Variants in TUBB8B observed in about 807,000 individuals in gnomAD.
The protein encoded by TUBB8B is tubulin beta 8B.
TUBB8B carries 26 observed loss-of-function variants against 31.9 expected under a neutral mutation model. The ratio of observed to expected loss-of-function variants is 0.81; its 90% CI spans 0.60 to 1.13. The LOEUF is 1.13. Ranked by LOEUF, TUBB8B falls within the 50% of genes most tolerant of loss-of-function variation. The pLI, the probability that TUBB8B is intolerant of heterozygous loss-of-function variation, is 0.00. For synonymous variants in TUBB8B, 173 were observed against 231.0 expected, an observed-to-expected ratio of 0.75 and a Z score of 2.28; for missense variants, 467 against 586.7, an observed-to-expected ratio of 0.80 and a Z score of 2.11.
At position 49,236 on chromosome 18, in the gene TUBB8B, A is replaced by T. The variant is rs1905936597; in HGVS notation, c.59T>A (p.Phe20Tyr). 1 of 1,534,554 alleles carries T rather than the reference A, an allele frequency of 6.5e-7. No individual in the cohort carries two copies. Residue 20 changes from phenylalanine (F) to tyrosine (Y), a missense_variant and splice_region_variant, in exon 2 of 4, where the codon TTC becomes TAC. Phe to Tyr is a conservative substitution (Grantham distance 22). Around this residue, in one of 2 missense-constraint regions of TUBB8B, gnomAD observed 259 missense variants for 380.1 expected, o/e 0.68. Transcript: ENST00000308911. ...ATGTTCATCAGAGATCACCTCCCAG[A>T]ACTGCAAGAGACGGGAGGGGCCAGA... ...GQCGNQIGAK[F>Y]WEVISDEHAI...
At chr18:53,387 G>A (rs924605492), upstream of TUBB8B, among the ~76,000 whole-genome samples, 2 of 151,924 alleles carry the variant, frequency 1.3e-5, no homozygotes, top group African/African-American at 4.8e-5. Flanking sequence ...AGTAACAAAT[G>A]ATTATAGTTA....
chr18:55,195 G>A, the TUBB8B span, among the ~76,000 whole-genome samples: 1 of 151,682 alleles, frequency 6.6e-6, no homozygotes, highest in Non-Finnish European at 1.5e-5. Context: ...TCCACCTCCT[G>A]GGTTCAAGCA....
chr18:57,040 T>C, the TUBB8B span, among the ~76,000 whole-genome samples: 1 of 151,828 alleles, frequency 6.6e-6, no homozygotes, highest in Non-Finnish European at 1.5e-5. Context: ...CATGATTCAA[T>C]CATCTCCCGA....
At chr18:49,746 G>C (rs368376246), upstream of TUBB8B, 1 of 683,552 alleles carries the variant, frequency 1.5e-6, no homozygotes, top group Non-Finnish European at 2.7e-6. Context: ...CCTTGGCGTT[G>C]AACGTCTGTT....
In TUBB8B at chr18:49,518, T is replaced by C. The variant is rs1400756920; in HGVS notation, c.40A>G (p.Asn14Asp). Residue 14 changes from asparagine (N) to aspartate (D), a missense_variant, in exon 1 of 4, where the codon AAC (asparagine) becomes GAC (aspartate). Transcript: ENST00000308911. ...CTGCCAACCTTGGCGCCGATCTGGT[T>C]CCCGCACTGCCCGGTCTGCGTGAGC... ...IVLTQTGQCG[N>D]QIGAKFWEVI... The C allele has an allele frequency of 1.5e-5, 14 of 952,776 alleles. No homozygotes were observed. In the African/African-American group the frequency reaches 2.0e-4, roughly 13 times the overall value. 59.0% of individuals were successfully genotyped at this position (952,776 alleles called of 1,614,324 possible). A position where few individuals can be genotyped will look rare whatever the true frequency, so the allele number is the denominator to read the frequency against.
At chr18:60,239 T>G in the TUBB8B span, among the ~76,000 whole-genome samples, 2 of 151,810 alleles carry the variant, frequency 1.3e-5, no homozygotes, top group African/African-American at 4.8e-5. Context: ...AAGAATTAAT[T>G]TCCTCTAGGT....
the TUBB8B span, among the ~76,000 whole-genome samples, chr18:69,499 T>G: frequency 6.6e-6 from 1 of 152,116 alleles, no homozygotes; most frequent in Non-Finnish European, 1.5e-5. Flanking sequence ...CAGAGAATTC[T>G]CTCTCTTCTG....
At chr18:55,214 C>A in the TUBB8B span, among the ~76,000 whole-genome samples, 1 of 151,738 alleles carries the variant, frequency 6.6e-6, no homozygotes, top group Non-Finnish European at 1.5e-5. Flanking sequence ...CAATTCTCTG[C>A]CTCAGCCTCT....
chr18:63,714 A>AACCCTAACCCCTAACC, the TUBB8B span, among the ~76,000 whole-genome samples: 1 of 137,524 alleles, frequency 7.3e-6, no homozygotes, highest in Non-Finnish European at 1.6e-5. Flanking sequence ...TAACCCTAAC[A>AACCCTAACCCCTAACC]CTAACCCTAA....
the TUBB8B span, among the ~76,000 whole-genome samples, chr18:61,161 A>C: frequency 1.5e-4 from 22 of 151,516 alleles, no homozygotes; most frequent in African/African-American, 5.3e-4. Flanking sequence ...ATTTCTTATT[A>C]TATCCTCTTG....
chr18:48,005 C>T lies in TUBB8B; in HGVS notation c.720G>A (p.Leu240=). The T allele has an allele frequency of 3.7e-6, 6 of 1,612,308 alleles. No individual in the cohort carries two copies. Among genetic ancestry groups the T allele is most frequent in the Non-Finnish European group, 5.1e-6 (6 of 1,179,820 alleles). ...SATMSGVTTC[L]RFPGQLNADL... is the part of the protein sequence containing the mutation. ...CAGCATTCAGCTGGCCTGGGAAGCG[C>T]AGGCATGTGGTGACCCCACTCATGG... The change falls in exon 4 of 4, where the codon CTG becomes CTA. Residue 240 remains leucine, a synonymous_variant. Transcript: ENST00000308911.
upstream of TUBB8B, among the ~76,000 whole-genome samples, chr18:53,931 T>C (rs1906202920): frequency 6.6e-6 from 1 of 151,718 alleles, no homozygotes; most frequent in Non-Finnish European, 1.5e-5. Flanking sequence ...AATAAGGCCA[T>C]ACCTCTTAGT....
chr18:71,791 G>A, the TUBB8B span, among the ~76,000 whole-genome samples: 1 of 151,992 alleles, frequency 6.6e-6, no homozygotes, highest in African/African-American at 2.4e-5. Context: ...GCTGATGCAG[G>A]AGAAGTGCCT....
At position 47,913 on chromosome 18, in the gene TUBB8B, G is replaced by A; in HGVS notation, c.812C>T (p.Ala271Val). 1 of 1,611,412 alleles carries A rather than the reference G, an allele frequency of 6.2e-7. No homozygotes were observed. Residue 271 changes from alanine to valine, a missense_variant, in exon 4 of 4, where the codon GCC becomes GTC. Around this residue, in one of 2 missense-constraint regions of TUBB8B, gnomAD observed 259 missense variants for 380.1 expected, o/e 0.68. Transcript: ENST00000308911. ...CTGGCTGCCCCGGCTGGTCAGTGGGGCAAAGCCGGGCATGAAGAAATGCAG... is the reference window on the plus strand; with the variant it reads ...CTGGCTGCCCCGGCTGGTCAGTGGGACAAAGCCGGGCATGAAGAAATGCAG... The part of the protein sequence containing the change: ...PRLHFFMPGF[A>V]PLTSRGSQQY...
the TUBB8B span, among the ~76,000 whole-genome samples, chr18:56,971 C>T: frequency 1.3e-5 from 2 of 151,816 alleles, no homozygotes; most frequent in Non-Finnish European, 2.9e-5. Flanking sequence ...TGAAAACTTA[C>T]TATTGTGAGA....
chr18:72,177 C>CAAAAAAAAAAAAAAAAAAAAAAAAAA, the TUBB8B span, among the ~76,000 whole-genome samples: 10 of 78,762 alleles, frequency 1.3e-4, no homozygotes, highest in Admixed American at 1.5e-4. Context: ...GACTCCATCT[C>CAAAAAAAAAAAAAAAAAAAAAAAAAA]AAAAAAAAAA....
At chr18:71,569 TAAAAAAAAAAAA>T in the TUBB8B span, among the ~76,000 whole-genome samples, 29 of 57,606 alleles carry the variant, frequency 5.0e-4, no homozygotes, top group African/African-American at 2.0e-3. Context: ...AAAAAAAATT[TAAAAAAAAAAAA>T]AAAAAAAAAA....
At chr18:59,660 C>T in the TUBB8B span, among the ~76,000 whole-genome samples, 2 of 151,028 alleles carry the variant, frequency 1.3e-5, no homozygotes, top group Non-Finnish European at 1.5e-5. Flanking sequence ...TCTCCTGCCT[C>T]AGCCTTCCAA....
At chr18:69,941 G>C in the TUBB8B span, among the ~76,000 whole-genome samples, 1 of 152,176 alleles carries the variant, frequency 6.6e-6, no homozygotes, top group African/African-American at 2.4e-5. Context: ...CGGATCAGCT[G>C]AGGTCAGGAG....
Sources: gnomAD v4.1 joint callset for allele counts (sites outside exome capture counted in the v4.1 genomes callset) on GRCh38, gnomAD v4.1.1 for gene constraint, gnomAD v4.1.1 regional missense constraint, MANE v1.5 for transcripts, NCBI Gene and HGNC (gene_info 2026-07-23, HGNC 2026-07-21) for gene names.